TTC28: variants seen among roughly 807,000 people sequenced by gnomAD.
TTC28 encodes the protein tetratricopeptide repeat protein 28.
TTC28 carries 61 observed loss-of-function variants against 198.0 expected under a neutral mutation model. That is an observed-to-expected ratio of 0.31 (90% CI 0.25 to 0.38). TTC28 has a LOEUF of 0.38. TTC28 is among the 10% of genes least tolerant of loss of function. TTC28 has a pLI of 1.00. For missense variants in TTC28, 2,678 were observed against 3,164.0 expected (o/e 0.85, Z 3.69); for synonymous variants, 1,171 against 1,297.8 (o/e 0.90, Z 2.10).
At chr22:28,562,189 G>A (rs779272118) in intron 2 of TTC28, among the ~76,000 whole-genome samples, 2 of 152,166 alleles carry the variant, frequency 1.3e-5, no homozygotes, top group Admixed American at 6.5e-5. Context: ...ACAAAATTAT[G>A]TAGTACATGG....
intron 2 of TTC28, among the ~76,000 whole-genome samples, chr22:28,373,443 T>C (rs2046366406): frequency 6.6e-6 from 1 of 152,190 alleles, no homozygotes; most frequent in South Asian, 2.1e-4. Flanking sequence ...TAGGGGCTAT[T>C]AGCAGAATTC....
At chr22:28,629,295 A>G in intron 2 of TTC28, 1 of 433,630 alleles carries the variant, frequency 2.3e-6, no homozygotes, top group Non-Finnish European at 4.1e-6. Context: ...TTACTTATCA[A>G]GCGGCACAGA....
At chr22:28,482,051 A>G (rs1420799226) in intron 2 of TTC28, among the ~76,000 whole-genome samples, 1 of 152,118 alleles carries the variant, frequency 6.6e-6, no homozygotes, top group African/African-American at 2.4e-5. Flanking sequence ...CTCATATTAC[A>G]TCAGGTTTTA....
intron 2 of TTC28, among the ~76,000 whole-genome samples, chr22:28,625,807 G>C (rs2051069236): frequency 6.6e-6 from 1 of 152,122 alleles, no homozygotes; most frequent in Non-Finnish European, 1.5e-5. Context: ...TACATCTATA[G>C]TAATTAAGGC....
chr22:28,074,768 T>C (rs1941114192), intron 12 of TTC28, among the ~76,000 whole-genome samples: 1 of 152,198 alleles, frequency 6.6e-6, no homozygotes, highest in Non-Finnish European at 1.5e-5. Flanking sequence ...TACAATGGGA[T>C]AACTCACACC....
chr22:28,467,580 G>C (rs1304014733), intron 2 of TTC28, among the ~76,000 whole-genome samples: 2 of 152,106 alleles, frequency 1.3e-5, no homozygotes, highest in Non-Finnish European at 2.9e-5. Context: ...GTTAAATATG[G>C]TCATTTTCTT....
At chr22:28,002,882 G>A (rs542691309) in intron 14 of TTC28, among the ~76,000 whole-genome samples, 3 of 152,268 alleles carry the variant, frequency 2.0e-5, no homozygotes, top group African/African-American at 7.2e-5. Flanking sequence ...TACTCAGGAG[G>A]CTGAGGCAGG....
intron 1 of TTC28, among the ~76,000 whole-genome samples, chr22:28,632,579 T>C (rs959599785): frequency 1.3e-5 from 2 of 152,110 alleles, no homozygotes; most frequent in Non-Finnish European, 2.9e-5. Context: ...TGTTTTTAAT[T>C]ATTACAATAT....
chr22:28,043,690 G>A (rs1419491601), intron 12 of TTC28, among the ~76,000 whole-genome samples: 2 of 152,122 alleles, frequency 1.3e-5, no homozygotes. Context: ...AACCTTATTA[G>A]AAATCCCCCT....
intron 2 of TTC28, among the ~76,000 whole-genome samples, chr22:28,432,473 C>T (rs983730859): frequency 9.2e-5 from 14 of 152,010 alleles, no homozygotes; most frequent in Admixed American, 5.2e-4. Context: ...ATAAAGTCAC[C>T]GAGTTCTGCT....
chr22:28,225,148 A>T (rs1928196689), intron 5 of TTC28, among the ~76,000 whole-genome samples: 1 of 152,070 alleles, frequency 6.6e-6, no homozygotes, highest in Non-Finnish European at 1.5e-5. Flanking sequence ...CGAGGTCAGG[A>T]GTTTGAGACC....
At chr22:28,170,225 C>T (rs935864410) in intron 5 of TTC28, among the ~76,000 whole-genome samples, 2 of 152,070 alleles carry the variant, frequency 1.3e-5, no homozygotes, top group Non-Finnish European at 2.9e-5. Flanking sequence ...CGGTGGCTCA[C>T]ACCTGTAATC....
At chr22:28,520,014 T>TA (rs2048870614) in intron 2 of TTC28, among the ~76,000 whole-genome samples, 1 of 152,176 alleles carries the variant, frequency 6.6e-6, no homozygotes, top group African/African-American at 2.4e-5. Context: ...AATAATACAC[T>TA]ATTTTACAGT....
intron 2 of TTC28, among the ~76,000 whole-genome samples, chr22:28,627,712 G>C (rs985805240): frequency 1.3e-5 from 2 of 151,808 alleles, no homozygotes; most frequent in Non-Finnish European, 2.9e-5. Flanking sequence ...GATTACAGGC[G>C]TGAAGCCACC....
At chr22:28,201,414 G>A (rs537228032) in intron 5 of TTC28, among the ~76,000 whole-genome samples, 12 of 152,090 alleles carry the variant, frequency 7.9e-5, no homozygotes, top group Non-Finnish European at 1.5e-4. Context: ...AACCTTCTTA[G>A]GGTGTCAAGG....
chr22:28,186,080 T>A lies in TTC28; in HGVS notation c.934-22481A>T, dbSNP rs188228886. On this transcript the variant is annotated intron_variant, in intron 5 of 22. Coordinates refer to ENST00000397906, the MANE Select transcript of TTC28 (RefSeq NM_001145418.2). Reference sequence around the variant, plus strand: ...AATGTTTCTAATTTGCAATTTTTTTTAAAAATGGTATTGTCAAATCCTATC... The same window carrying A: ...AATGTTTCTAATTTGCAATTTTTTTAAAAAATGGTATTGTCAAATCCTATC... Among the ~76,000 whole-genome samples, 905 of 152,320 alleles carry A rather than the reference T, an allele frequency of 5.9e-3. 4 individuals carry two copies. Among genetic ancestry groups the A allele is most frequent in the African/African-American group, 0.014 (591 of 41,570 alleles).
At chr22:27,986,878 G>C (rs1280077506) in intron 21 of TTC28, among the ~76,000 whole-genome samples, 1 of 152,184 alleles carries the variant, frequency 6.6e-6, no homozygotes. Context: ...GACATAATCA[G>C]AGAACTCAGC....
chr22:28,169,994 G>C (rs1019481521), intron 5 of TTC28, among the ~76,000 whole-genome samples: 13 of 152,090 alleles, frequency 8.5e-5, no homozygotes, highest in African/African-American at 3.1e-4. Context: ...ACGCAGAATT[G>C]ATAAAGAACA....
chr22:28,373,077 G>T (rs1275217826), intron 2 of TTC28, among the ~76,000 whole-genome samples: 1 of 152,064 alleles, frequency 6.6e-6, no homozygotes, highest in East Asian at 1.9e-4. Flanking sequence ...AATGGATACA[G>T]GTGACCTCAC....
Sources: allele counts gnomAD v4.1 joint callset (sites outside exome capture counted in the v4.1 genomes callset), GRCh38; gene constraint gnomAD v4.1.1; transcripts MANE v1.5; gene names NCBI Gene and HGNC (gene_info 2026-07-23, HGNC 2026-07-21).